SSBP2: variants seen among roughly 807,000 people sequenced by gnomAD.
The protein encoded by SSBP2 is single-stranded DNA-binding protein 2.
SSBP2 carries 17 observed loss-of-function variants against 61.8 expected under a neutral mutation model. That is an observed-to-expected ratio of 0.28 (90% CI 0.19 to 0.41). The LOEUF (loss-of-function observed/expected upper bound fraction) is 0.41, where lower values mean the gene tolerates loss of function less well. SSBP2 is among the 10% of genes least tolerant of loss of function. The pLI is 1.00. For missense variants in SSBP2, 310 were observed against 458.7 expected, an observed-to-expected ratio of 0.68 and a Z score of 2.96; for synonymous variants, 139 against 141.3, an observed-to-expected ratio of 0.98 and a Z score of 0.12.
chr5:81,580,623 T>C (rs1331665561), intron 4 of SSBP2, among the ~76,000 whole-genome samples: 1 of 152,074 alleles, frequency 6.6e-6, no homozygotes, highest in Non-Finnish European at 1.5e-5. Context: ...GAAAGAGACA[T>C]ACCTTATTAT....
intron 1 of SSBP2, among the ~76,000 whole-genome samples, chr5:81,704,795 C>CAAAAA (rs34376110): frequency 1.2e-4 from 6 of 51,992 alleles, no homozygotes; most frequent in African/African-American, 3.1e-4. Flanking sequence ...GATTCCATCT[C>CAAAAA]AAAAAAAAAA....
intron 1 of SSBP2, among the ~76,000 whole-genome samples, chr5:81,656,410 A>T (rs560633629): frequency 6.6e-6 from 1 of 152,290 alleles, no homozygotes; most frequent in Admixed American, 6.5e-5. Context: ...CCCTACAAAA[A>T]TTAAATAAAA....
At chr5:81,720,771 G>C (rs1003239350) in intron 1 of SSBP2, among the ~76,000 whole-genome samples, 3 of 152,166 alleles carry the variant, frequency 2.0e-5, no homozygotes, top group African/African-American at 7.2e-5. Context: ...ATACGGAACA[G>C]TAGATATTTA....
intron 1 of SSBP2, among the ~76,000 whole-genome samples, chr5:81,661,148 A>G (rs1349745647): frequency 2.0e-5 from 3 of 152,216 alleles, no homozygotes; most frequent in African/African-American, 4.8e-5. Context: ...CATTCTGCAC[A>G]TGTATCCTGG....
chr5:81,670,224 TG>T (rs1751490008), intron 1 of SSBP2, among the ~76,000 whole-genome samples: 1 of 152,122 alleles, frequency 6.6e-6, no homozygotes, highest in Non-Finnish European at 1.5e-5. Context: ...ATCATTATGG[TG>T]GGGGATGTTG....
chr5:81,624,657 G>C (rs566492761), intron 3 of SSBP2, among the ~76,000 whole-genome samples: 26 of 152,142 alleles, frequency 1.7e-4, no homozygotes, highest in African/African-American at 6.3e-4. Flanking sequence ...GCCATATCAT[G>C]ACATCAACAA....
At chr5:81,430,603 C>A (rs1004076548) in intron 15 of SSBP2, among the ~76,000 whole-genome samples, 1 of 152,136 alleles carries the variant, frequency 6.6e-6, no homozygotes, top group Non-Finnish European at 1.5e-5. Context: ...TAAATACTTA[C>A]AATTTGAAAG....
intron 1 of SSBP2, among the ~76,000 whole-genome samples, chr5:81,665,660 AT>A (rs943436693): frequency 6.6e-6 from 1 of 152,064 alleles, no homozygotes; most frequent in Non-Finnish European, 1.5e-5. Context: ...TGTCTGGCTA[AT>A]TTTTTATTAT....
chr5:81,505,639 T>C (rs1768127378), intron 5 of SSBP2, among the ~76,000 whole-genome samples: 1 of 152,182 alleles, frequency 6.6e-6, no homozygotes, highest in Non-Finnish European at 1.5e-5. Flanking sequence ...CTCGGAAGAA[T>C]TTTCAATAAT....
chr5:81,566,740 G>C (rs1773451712), intron 4 of SSBP2, among the ~76,000 whole-genome samples: 1 of 152,210 alleles, frequency 6.6e-6, no homozygotes, highest in South Asian at 2.1e-4. Context: ...GAGACTTGCT[G>C]AATAGGTTTG....
chr5:81,436,797 T>A (rs1762700300), intron 15 of SSBP2, among the ~76,000 whole-genome samples: 1 of 152,144 alleles, frequency 6.6e-6, no homozygotes, highest in African/African-American at 2.4e-5. Flanking sequence ...TAGGAACTAT[T>A]CTTCAAAAAT....
At position 81,655,277 on chromosome 5, in the gene SSBP2, C is replaced by CT. The variant is rs1270235055; in HGVS notation, c.63-4939dup. 2.6e-5 allele frequency among the ~76,000 whole-genome samples: 4 copies of CT among 152,064 alleles called. No individual in the cohort carries two copies. The East Asian group carries it at 7.7e-4, about 29-fold the overall frequency. ...CTTTTGAATTAACATCTTCCTTTTCCTTTTTTTCATCTTTAAGAAATTTAA... is the reference window on the plus strand; with the variant it reads ...CTTTTGAATTAACATCTTCCTTTTCCTTTTTTTTCATCTTTAAGAAATTTAA... On this transcript the variant is annotated intron_variant, in intron 1 of 16. Coordinates refer to ENST00000320672, the MANE Select transcript of SSBP2 (RefSeq NM_012446.5).
intron 9 of SSBP2, among the ~76,000 whole-genome samples, chr5:81,465,856 G>C (rs1356363698): frequency 6.6e-6 from 1 of 151,998 alleles, no homozygotes; most frequent in Non-Finnish European, 1.5e-5. Flanking sequence ...TACTTTAAAA[G>C]TAAAAAGATG....
intron 2 of SSBP2, among the ~76,000 whole-genome samples, chr5:81,643,197 C>G (rs545027848): frequency 6.6e-6 from 1 of 152,246 alleles, no homozygotes; most frequent in East Asian, 1.9e-4. Flanking sequence ...GCCGGCAGTA[C>G]CTTTTTGGGG....
intron 4 of SSBP2, among the ~76,000 whole-genome samples, chr5:81,532,018 G>C (rs181048425): frequency 1.3e-5 from 2 of 152,166 alleles, no homozygotes; most frequent in African/African-American, 4.8e-5. Flanking sequence ...GTTATTGAGA[G>C]GAAATGGAAT....
At chr5:81,430,237 T>C (rs539277113) in intron 15 of SSBP2, among the ~76,000 whole-genome samples, 2 of 152,338 alleles carry the variant, frequency 1.3e-5, no homozygotes, top group Admixed American at 1.3e-4. Context: ...TAAGATTTAC[T>C]TATAATTTAT....
At chr5:81,647,540 C>T (rs966568609) in intron 2 of SSBP2, among the ~76,000 whole-genome samples, 1 of 152,002 alleles carries the variant, frequency 6.6e-6, no homozygotes, top group African/African-American at 2.4e-5. Context: ...TGCATTTTTA[C>T]AGCACCATTC....
chr5:81,578,754 C>T (rs923762708), intron 4 of SSBP2, among the ~76,000 whole-genome samples: 1 of 151,462 alleles, frequency 6.6e-6, no homozygotes, highest in African/African-American at 2.4e-5. Flanking sequence ...AGAAAAAAAG[C>T]AATTATCAAC....
intron 5 of SSBP2, among the ~76,000 whole-genome samples, chr5:81,490,226 GAA>G (rs1766753039): frequency 6.6e-6 from 1 of 152,058 alleles, no homozygotes; most frequent in African/African-American, 2.4e-5. Context: ...GAAATTGTCT[GAA>G]AAGTATCCTA....
Sources: allele counts gnomAD v4.1 joint callset (sites outside exome capture counted in the v4.1 genomes callset), GRCh38; gene constraint gnomAD v4.1.1; transcripts MANE v1.5; gene names NCBI Gene and HGNC (gene_info 2026-07-23, HGNC 2026-07-21).